Variants in CDH12 observed in about 807,000 individuals in gnomAD.
The protein encoded by CDH12 is cadherin-12.
CDH12 carries 41 observed loss-of-function variants against 74.1 expected under a neutral mutation model. That is an observed-to-expected ratio of 0.55 (90% CI 0.43 to 0.72). The LOEUF is 0.72. Among genes scored for constraint, CDH12 ranks in the 30% least tolerant of loss-of-function variants. The pLI is 0.00. For synonymous variants in CDH12, 399 were observed against 355.0 expected, an observed-to-expected ratio of 1.12 and a Z score of -1.39; for missense variants, 945 against 977.2, an observed-to-expected ratio of 0.97 and a Z score of 0.44.
chr5:21,783,515 T>C (rs1746033698), intron 10 of CDH12, 21 bp from the exon 11 acceptor site: 1 of 1,573,764 alleles, frequency 6.4e-7, no homozygotes, highest in Admixed American at 1.7e-5. Flanking sequence ...AAAGAGTAGA[T>C]GCAAATGTGC....
intron 2 of CDH12, among the ~76,000 whole-genome samples, chr5:22,462,082 T>A (rs973879048): frequency 1.9e-4 from 29 of 152,296 alleles, no homozygotes; most frequent in African/African-American, 6.5e-4. Flanking sequence ...TTTATGAATC[T>A]TAGAGGTCTA....
At chr5:22,205,598 A>G (rs1368631557) in intron 4 of CDH12, among the ~76,000 whole-genome samples, 1 of 152,164 alleles carries the variant, frequency 6.6e-6, no homozygotes, top group Non-Finnish European at 1.5e-5. Context: ...AGAAAGGGAG[A>G]AAAGTTTAAA....
chr5:22,185,431 C>T (rs1309772127), intron 4 of CDH12, among the ~76,000 whole-genome samples: 1 of 152,046 alleles, frequency 6.6e-6, no homozygotes, highest in Non-Finnish European at 1.5e-5. Context: ...ATTCACATAT[C>T]AAGGCATGTT....
chr5:22,709,511 A>G (rs901460374), intron 1 of CDH12, among the ~76,000 whole-genome samples: 3 of 152,208 alleles, frequency 2.0e-5, no homozygotes, highest in Non-Finnish European at 4.4e-5. Context: ...ACAGTTAACA[A>G]GCTTCATCTA....
chr5:22,821,308 C>T lies in CDH12; in HGVS notation c.-523+31750G>A, dbSNP rs186145457. On this transcript the variant is annotated intron_variant, in intron 1 of 14. Transcript: ENST00000382254. ...GAATAGGCAAAAACTGGGAGTATTCCCTTTGAAAACCGGCACAAGACAGGG... is the reference window on the plus strand; with the variant it reads ...GAATAGGCAAAAACTGGGAGTATTCTCTTTGAAAACCGGCACAAGACAGGG... Among the ~76,000 whole-genome samples the T allele has an allele frequency of 8.5e-5, 13 of 152,180 alleles. No homozygotes were observed. The East Asian group carries it at 2.5e-3, about 29-fold the overall frequency.
At chr5:21,822,054 CA>C (rs1173729901) in intron 8 of CDH12, among the ~76,000 whole-genome samples, 4 of 151,844 alleles carry the variant, frequency 2.6e-5, no homozygotes, top group Non-Finnish European at 5.9e-5. Context: ...TGACCCTGGG[CA>C]AAATATTTTA....
At position 21,760,595 on chromosome 5, in the gene CDH12, A is replaced by G. The variant is rs111616437; in HGVS notation, c.1596T>C (p.Ala532=). ...GAACTGTAAAATTTGGTTTGATAGC[A>G]GCCTCAGGTGATAATCTAAAGGAGA... ...QQFSFRLSPE[A]AIKPNFTVRD... Residue 532 remains alanine, a synonymous_variant, in exon 13 of 15, where the codon GCT becomes GCC. Transcript: ENST00000382254. The G allele has an allele frequency of 1.1e-3, 1,814 of 1,610,536 alleles. 2 individuals carry two copies. Among genetic ancestry groups the G allele is most frequent in the African/African-American group, 4.6e-3 (344 of 74,932 alleles).
chr5:22,464,425 G>C (rs1241927687), intron 2 of CDH12, among the ~76,000 whole-genome samples: 1 of 152,026 alleles, frequency 6.6e-6, no homozygotes, highest in African/African-American at 2.4e-5. Context: ...CCTTTTGCCA[G>C]CTGTTGTCAT....
intron 11 of CDH12, among the ~76,000 whole-genome samples, chr5:21,771,218 A>G (rs1745308674): frequency 6.6e-6 from 1 of 152,098 alleles, no homozygotes; most frequent in Non-Finnish European, 1.5e-5. Context: ...TAAAGTTAAA[A>G]TTCAATTGTG....
chr5:22,642,618 A>G (rs1210647016), intron 1 of CDH12, among the ~76,000 whole-genome samples: 2 of 152,178 alleles, frequency 1.3e-5, no homozygotes, highest in Non-Finnish European at 2.9e-5. Flanking sequence ...AGTCGAGGCC[A>G]TAGGGAGTTT....
chr5:22,739,483 C>T (rs996692765), intron 1 of CDH12, among the ~76,000 whole-genome samples: 2 of 151,684 alleles, frequency 1.3e-5, no homozygotes, highest in Non-Finnish European at 2.9e-5. Flanking sequence ...TAAAATATTC[C>T]CAGTATTTCT....
chr5:22,396,586 A>C (rs1230839536), intron 3 of CDH12, among the ~76,000 whole-genome samples: 2 of 152,130 alleles, frequency 1.3e-5, no homozygotes, highest in African/African-American at 4.8e-5. Context: ...TTATCTCTTC[A>C]TGCTGCCTGA....
intron 1 of CDH12, among the ~76,000 whole-genome samples, chr5:22,641,057 G>A (rs775881336): frequency 6.6e-6 from 1 of 152,090 alleles, no homozygotes; most frequent in Non-Finnish European, 1.5e-5. Flanking sequence ...TGACCAATAC[G>A]ATAGATAGAC....
chr5:22,047,779 C>A (rs562696209), intron 5 of CDH12, among the ~76,000 whole-genome samples: 1 of 152,122 alleles, frequency 6.6e-6, no homozygotes, highest in African/African-American at 2.4e-5. Context: ...CCCAACATAC[C>A]TAAAATTACT....
chr5:21,803,236 T>G (rs563302351), intron 9 of CDH12, among the ~76,000 whole-genome samples: 2 of 152,298 alleles, frequency 1.3e-5, no homozygotes, highest in Admixed American at 6.5e-5. Flanking sequence ...GCATCTTATA[T>G]TAAATACTTT....
intron 3 of CDH12, among the ~76,000 whole-genome samples, chr5:22,336,968 G>A (rs1377628471): frequency 6.6e-6 from 1 of 152,202 alleles, no homozygotes; most frequent in Non-Finnish European, 1.5e-5. Context: ...GAGGGAGGCT[G>A]TACCCTGCAA....
chr5:22,429,166 T>C (rs780366858), intron 2 of CDH12, among the ~76,000 whole-genome samples: 3 of 151,618 alleles, frequency 2.0e-5, no homozygotes, highest in Non-Finnish European at 4.4e-5. Context: ...AGGCCTTGTT[T>C]TGTTGACCAG....
intron 1 of CDH12, among the ~76,000 whole-genome samples, chr5:22,851,814 A>G (rs963949231): frequency 6.6e-6 from 1 of 152,202 alleles, no homozygotes; most frequent in Non-Finnish European, 1.5e-5. Flanking sequence ...TCCTGTTGAC[A>G]TAATAATAAA....
intron 1 of CDH12, among the ~76,000 whole-genome samples, chr5:22,780,020 A>T (rs1445239903): frequency 6.6e-6 from 1 of 152,200 alleles, no homozygotes; most frequent in Non-Finnish European, 1.5e-5. Context: ...AAAATTGCTT[A>T]TGACAAATTG....
Sources: allele counts gnomAD v4.1 joint callset (sites outside exome capture counted in the v4.1 genomes callset), GRCh38; gene constraint gnomAD v4.1.1; transcripts MANE v1.5; gene names NCBI Gene and HGNC (gene_info 2026-07-23, HGNC 2026-07-21).